The following TMEM255B variants were observed in gnomAD, a reference collection of about 807,000 sequenced individuals.
TMEM255B encodes family with sequence similarity 70, member B.
In TMEM255B, 35 loss-of-function variants were observed where a neutral mutation model predicts 34.5. That is an observed-to-expected ratio of 1.01 (90% CI 0.77 to 1.34). The LOEUF is 1.34. TMEM255B is among the 40% of genes most tolerant of loss of function. TMEM255B has a pLI of 0.00. For synonymous variants in TMEM255B, 206 were observed against 201.2 expected (o/e 1.02, Z -0.20); for missense variants, 432 against 433.2 (o/e 1.00, Z 0.02).
intron 3 of TMEM255B, among the ~76,000 whole-genome samples, chr13:113,783,725 G>C (rs563105341): frequency 1.3e-5 from 2 of 152,250 alleles, no homozygotes; most frequent in African/African-American, 4.8e-5. Flanking sequence ...GAGGATGGGT[G>C]AGGTTTGGGG....
chr13:113,763,796 G>A (rs915641401), intron 1 of TMEM255B, among the ~76,000 whole-genome samples: 1 of 152,232 alleles, frequency 6.6e-6, no homozygotes, highest in Non-Finnish European at 1.5e-5. Flanking sequence ...TTGTAAGAAT[G>A]TCGTTATCAT....
At chr13:113,765,440 C>T (rs554528754) in intron 1 of TMEM255B, among the ~76,000 whole-genome samples, 11 of 152,182 alleles carry the variant, frequency 7.2e-5, no homozygotes, top group Admixed American at 3.3e-4. Context: ...TCGCTGCCAG[C>T]GGCTCTCCAG....
chr13:113,760,570 G>C (rs374190769), intron 1 of TMEM255B, among the ~76,000 whole-genome samples: 237 of 152,194 alleles, frequency 1.6e-3, no homozygotes, highest in African/African-American at 5.6e-3. Context: ...ATAAAGCATT[G>C]GTGTGTCTGG....
intron 4 of TMEM255B, 43 bp downstream of exon 4, chr13:113,795,280 GA>G: frequency 6.3e-7 from 1 of 1,580,940 alleles, no homozygotes; most frequent in Non-Finnish European, 8.7e-7. Context: ...TTCCGGGGCT[GA>G]AAGAGTCGAC....
rs2050482930 is a variant in TMEM255B, at chr13:113,771,787, TG to T, written c.252+2628del. 2.0e-5 allele frequency among the ~76,000 whole-genome samples: 3 copies of T among 152,356 alleles called. No homozygotes were observed. The South Asian group carries it at 6.2e-4, about 32-fold the overall frequency. On this transcript the variant is annotated intron_variant, in intron 3 of 8. Transcript: ENST00000375353. ...ATTACAGCTGTTTACAGACTTTGGC[TG>T]TTGTGAATAATGCTGCTGTGAACAT...
rs1566333174 is a variant in TMEM255B at position 113,806,320 on chromosome 13, G to A, written c.813+1292G>A. On this transcript the variant is annotated intron_variant, in intron 8 of 8. Transcript: ENST00000375353. This position sits in a 1 kb window ranked among gnomAD's most constrained non-coding sequence, Gnocchi z 4.2. ...GGGTCCAGGGGCCTGTGGGGCTGCT[G>A]GGGGTCCCTCGCGTTCAGGGCCTGC... 6.6e-6 allele frequency among the ~76,000 whole-genome samples: 1 copy of A among 152,116 alleles called. No individual in the cohort carries two copies. The highest frequency in any genetic ancestry group is 1.5e-5 in the Non-Finnish European group (1 of 68,000).
chr13:113,810,880 C>G (rs565850133), intron 8 of TMEM255B, among the ~76,000 whole-genome samples: 1 of 152,308 alleles, frequency 6.6e-6, no homozygotes, highest in South Asian at 2.1e-4. Flanking sequence ...GTGTGGGGTT[C>G]ATACGTGGGG....
At chr13:113,784,632 G>A (rs918162284) in intron 3 of TMEM255B, among the ~76,000 whole-genome samples, 13 of 152,234 alleles carry the variant, frequency 8.5e-5, no homozygotes, top group South Asian at 2.1e-4. Flanking sequence ...AGCGGTTGGA[G>A]GTGGATTTCT....
intron 3 of TMEM255B, among the ~76,000 whole-genome samples, chr13:113,793,557 G>T (rs2050868167): frequency 2.7e-5 from 3 of 109,546 alleles, no homozygotes; most frequent in Admixed American, 2.0e-4. Flanking sequence ...ACCCAAGGAC[G>T]CACTGACTTC....
In TMEM255B at chr13:113,806,321, G is replaced by T. The variant is rs537477212; in HGVS notation, c.813+1293G>T. Among the ~76,000 whole-genome samples the T allele has an allele frequency of 6.6e-6, 1 of 152,202 alleles. No homozygotes were observed. Among genetic ancestry groups the T allele is most frequent in the East Asian group, 1.9e-4 (1 of 5,166 alleles). On this transcript the variant is annotated intron_variant, in intron 8 of 8. Coordinates refer to ENST00000375353, the MANE Select transcript of TMEM255B (RefSeq NM_182614.4). The surrounding 1 kb of genome is among the most constrained non-coding windows in gnomAD (Gnocchi z 4.2). The stretch of plus-strand genomic sequence containing the variant: ...GGTCCAGGGGCCTGTGGGGCTGCTG[G>T]GGGTCCCTCGCGTTCAGGGCCTGCT...
At position 113,812,991 on chromosome 13, in the gene TMEM255B, G is replaced by T. The variant is rs538928855; in HGVS notation, c.*1088G>T. 32 of 139,492 alleles carry T rather than the reference G, an allele frequency of 2.3e-4. No individual in the cohort carries two copies. In the East Asian group the frequency reaches 5.7e-3, roughly 25 times the overall value. The allele number at this position is 139,492 out of a possible 1,614,324, so 8.6% of individuals were successfully genotyped here. ...CCGGGTGGGTCACGGGTCCCGGGTG[G>T]GTCACGGGTCCCGAGTGGGTCACGG... On this transcript the variant is annotated 3_prime_UTR_variant, in exon 9 of 9. Coordinates refer to ENST00000375353, the MANE Select transcript of TMEM255B (RefSeq NM_182614.4).
At chr13:113,810,952 G>C (rs956834399) in intron 8 of TMEM255B, among the ~76,000 whole-genome samples, 1 of 152,124 alleles carries the variant, frequency 6.6e-6, no homozygotes, top group East Asian at 1.9e-4. Flanking sequence ...GACCCTAACT[G>C]TTGGTTTTGG....
In TMEM255B at chr13:113,801,828, G is replaced by A. The variant is rs1255716186; in HGVS notation, c.669+16G>A. 6.3e-7 allele frequency: 1 copy of A among 1,584,054 alleles called. No homozygotes were observed. Among genetic ancestry groups the A allele is most frequent in the Non-Finnish European group, 8.6e-7 (1 of 1,164,106 alleles). On this transcript the variant is annotated intron_variant, in intron 7 of 8. Coordinates refer to ENST00000375353, the MANE Select transcript of TMEM255B (RefSeq NM_182614.4). ...CAAGGACATGGTGAGGCCCCTTGGT[G>A]GGACCCCCGCTGCTCACTGGGAGCC...
In TMEM255B at chr13:113,810,563, C is replaced by T. The variant is rs564087868; in HGVS notation, c.814-1173C>T. On this transcript the variant is annotated intron_variant, in intron 8 of 8. Coordinates refer to ENST00000375353, the MANE Select transcript of TMEM255B (RefSeq NM_182614.4). ...CAATCCATCGATTCTGAATGACTGGCTGATGACTGTGGGCTTCAGGTGCAC... is the reference window on the plus strand; with the variant it reads ...CAATCCATCGATTCTGAATGACTGGTTGATGACTGTGGGCTTCAGGTGCAC... Among the ~76,000 whole-genome samples, 20 of 152,324 alleles carry T rather than the reference C, an allele frequency of 1.3e-4. 1 individual carries two copies. In the South Asian group the frequency reaches 3.9e-3, roughly 30 times the overall value.
chr13:113,784,579 G>A (rs2138547127), intron 3 of TMEM255B, among the ~76,000 whole-genome samples: 1 of 152,284 alleles, frequency 6.6e-6, no homozygotes, highest in African/African-American at 2.4e-5. Context: ...GGAGGAGAAG[G>A]AGGAGAAGGA....
rs2051183873 is a variant in TMEM255B at position 113,806,936 on chromosome 13, C to T, written c.813+1908C>T. ...CTTGGAATCGCATGGGTGCCAAGAA[C>T]GTGCAGCCCAGAGCATAGCCTCGGT... On this transcript the variant is annotated intron_variant, in intron 8 of 8. Transcript: ENST00000375353. This position sits in a 1 kb window ranked among gnomAD's most constrained non-coding sequence, Gnocchi z 4.2. Among the ~76,000 whole-genome samples, 4 of 152,292 alleles carry T rather than the reference C, an allele frequency of 2.6e-5. No homozygotes were observed. In the South Asian group the frequency reaches 8.3e-4, roughly 32 times the overall value.
chr13:113,762,612 C>T (rs1009456269), intron 1 of TMEM255B, among the ~76,000 whole-genome samples: 1 of 152,180 alleles, frequency 6.6e-6, no homozygotes, highest in African/African-American at 2.4e-5. Context: ...TCTAACTCTT[C>T]GCATAGTAAT....
chr13:113,775,692 C>T (rs1484051528), intron 3 of TMEM255B, among the ~76,000 whole-genome samples: 1 of 152,256 alleles, frequency 6.6e-6, no homozygotes, highest in South Asian at 2.1e-4. Flanking sequence ...GAGTGGAGCA[C>T]AGGCGGAGCA....
rs910181567 is a variant in TMEM255B at position 113,814,839 on chromosome 13, G to C, written c.*2936G>C. 3 of 151,636 alleles carry C rather than the reference G, an allele frequency of 2.0e-5. No homozygotes were observed. Among genetic ancestry groups the C allele is most frequent in the Admixed American group, 1.3e-4 (2 of 15,242 alleles). The allele number at this position is 151,636 out of a possible 1,614,324, so 9.4% of individuals were successfully genotyped here. On this transcript the variant is annotated 3_prime_UTR_variant, in exon 9 of 9. Coordinates refer to ENST00000375353, the MANE Select transcript of TMEM255B (RefSeq NM_182614.4). ...AGACCCTGGAGGCCGCGGGAGATGG[G>C]GTGGAGGGGATGGTGGGGCAGGGGG... is the stretch of plus-strand genomic sequence containing the variant.
Sources: gnomAD v4.1 joint callset for allele counts (sites outside exome capture counted in the v4.1 genomes callset) on GRCh38, gnomAD v4.1.1 for gene constraint, Gnocchi (gnomAD v3.1) non-coding constraint, MANE v1.5 for transcripts, NCBI Gene and HGNC (gene_info 2026-07-23, HGNC 2026-07-21) for gene names.